Variants in ATP9B observed in about 807,000 individuals in gnomAD.
ATP9B encodes the protein probable phospholipid-transporting ATPase IIB.
Under a neutral mutation model 146.1 loss-of-function variants are expected in ATP9B, and 110 were observed. That is an observed-to-expected ratio of 0.75 (90% CI 0.65 to 0.88). The LOEUF is 0.88. Ranked by LOEUF, ATP9B falls within the 40% of genes least tolerant of loss-of-function variation. ATP9B has a pLI of 0.00. For synonymous variants in ATP9B, 604 were observed against 569.7 expected (o/e 1.06, Z -0.86); for missense variants, 1,499 against 1,496.4 (o/e 1.00, Z -0.03).
At chr18:79,131,292 C>T (rs1197677247) in intron 5 of ATP9B, among the ~76,000 whole-genome samples, 1 of 152,098 alleles carries the variant, frequency 6.6e-6, no homozygotes, top group Non-Finnish European at 1.5e-5. Context: ...ATCCAGTATC[C>T]AGGATACATA....
At chr18:79,269,502 A>T (rs900476) in intron 12 of ATP9B, among the ~76,000 whole-genome samples, 141,904 of 152,184 alleles carry the variant, frequency 0.93, 66,260 homozygotes, top group East Asian at 1. Flanking sequence ...TTTAAAAAAA[A>T]TTTTTATGTA....
chr18:79,338,653 G>T (rs1331454411), intron 19 of ATP9B, among the ~76,000 whole-genome samples: 1 of 152,194 alleles, frequency 6.6e-6, no homozygotes, highest in Non-Finnish European at 1.5e-5. Context: ...CTGCTCTCTG[G>T]CTTTTTCACT....
intron 13 of ATP9B, among the ~76,000 whole-genome samples, chr18:79,292,911 T>TA (rs1304168293): frequency 2.6e-5 from 4 of 151,992 alleles, no homozygotes; most frequent in African/African-American, 4.8e-5. Context: ...CATGAGCTAT[T>TA]ACACCTGGCA....
At chr18:79,223,992 T>G (rs1222833729) in intron 11 of ATP9B, among the ~76,000 whole-genome samples, 1 of 152,172 alleles carries the variant, frequency 6.6e-6, no homozygotes, top group Non-Finnish European at 1.5e-5. Context: ...TTATTGTAAT[T>G]GATTTCTATC....
At chr18:79,193,806 T>A (rs765065809) in intron 9 of ATP9B, among the ~76,000 whole-genome samples, 3 of 152,230 alleles carry the variant, frequency 2.0e-5, no homozygotes, top group Non-Finnish European at 4.4e-5. Context: ...AAATGCTTTA[T>A]AGTAAGGGAT....
At chr18:79,337,187 C>G in intron 18 of ATP9B, 92 bp from the exon 19 acceptor site, 1 of 1,103,944 alleles carries the variant, frequency 9.1e-7, no homozygotes, top group Non-Finnish European at 1.3e-6. Context: ...TCACCTCCCC[C>G]TCTGTCCCCA....
chr18:79,190,548 A>ACACACACACACG (rs1491182924), intron 8 of ATP9B, among the ~76,000 whole-genome samples: 1 of 84,708 alleles, frequency 1.2e-5, no homozygotes, highest in African/African-American at 4.3e-5. Flanking sequence ...ACACACACAT[A>ACACACACACACG]TACATATATT....
rs188322849 is a variant in ATP9B at position 79,196,267 on chromosome 18, A to G, written c.954+3004A>G. Among the ~76,000 whole-genome samples, 16 of 152,340 alleles carry G rather than the reference A, an allele frequency of 1.1e-4. No individual in the cohort carries two copies. In the East Asian group the frequency reaches 3.1e-3, roughly 29 times the overall value. ...AGCATACAGAGTTCAGGTGTGTTGT[A>G]CACATGAGCCTTTTGTGAATAATCT... On this transcript the variant is annotated intron_variant, in intron 9 of 29. Transcript: ENST00000426216.
At position 79,377,483 on chromosome 18, in the gene ATP9B, C is replaced by T; in HGVS notation, c.*100C>T. On this transcript the variant is annotated 3_prime_UTR_variant, in exon 30 of 30. Coordinates refer to ENST00000426216, the MANE Select transcript of ATP9B (RefSeq NM_198531.5). The stretch of plus-strand genomic sequence containing the variant: ...CGCAGGGTTTGCCATTGCTACCAAG[C>T]AAGCACCACAAGAAAGGGAGGGTAC... The T allele has an allele frequency of 7.0e-7, 1 of 1,431,994 alleles. No homozygotes were observed. 88.7% of individuals were successfully genotyped at this position (1,431,994 alleles called of 1,614,324 possible). A position where few individuals can be genotyped will look rare whatever the true frequency, so the allele number is the denominator to read the frequency against.
chr18:79,069,674 G>A (rs1281319801), intron 1 of ATP9B, 145 bp downstream of exon 1: 4 of 511,532 alleles, frequency 7.8e-6, no homozygotes, highest in Non-Finnish European at 1.2e-5. Flanking sequence ...TTGGCGTTCT[G>A]AGCGCGCCGC....
rs567355127 is a variant in ATP9B, at chr18:79,102,207, G to A, written c.293+5558G>A. On this transcript the variant is annotated intron_variant, in intron 2 of 29. Coordinates refer to ENST00000426216, the MANE Select transcript of ATP9B (RefSeq NM_198531.5). The stretch of plus-strand genomic sequence containing the variant: ...CGTTGAGATTCAGAGAGACTTCACT[G>A]GATCCAGTGTTTTTAATTTTGGTGA... 2.0e-5 allele frequency among the ~76,000 whole-genome samples: 3 copies of A among 152,218 alleles called. 1 individual carries two copies. Among genetic ancestry groups the A allele is most frequent in the South Asian group, 4.1e-4 (2 of 4,820 alleles).
intron 7 of ATP9B, 71 bp downstream of exon 7, chr18:79,154,626 A>G: frequency 2.0e-6 from 2 of 1,010,968 alleles, no homozygotes; most frequent in South Asian, 4.0e-5. Context: ...ATATCTATAC[A>G]AGGAAAAACT....
intron 10 of ATP9B, among the ~76,000 whole-genome samples, chr18:79,208,610 G>A (rs764095618): frequency 3.9e-5 from 6 of 152,110 alleles, no homozygotes; most frequent in Admixed American, 6.5e-5. Flanking sequence ...TTATCCTAGT[G>A]TTTTGTGTCT....
chr18:79,264,744 G>A lies in ATP9B; in HGVS notation c.1268+11203G>A, dbSNP rs377528355. 2.4e-3 allele frequency among the ~76,000 whole-genome samples: 364 copies of A among 151,546 alleles called. 1 individual carries two copies. The highest frequency in any genetic ancestry group is 6.2e-3 in the South Asian group (30 of 4,802). Reference sequence around the variant, plus strand: ...ATATTTCTGCAAACCAATTGTCTCAGCACCAGTTATAGAAAAGACTTTTCC... The same window carrying A: ...ATATTTCTGCAAACCAATTGTCTCAACACCAGTTATAGAAAAGACTTTTCC... On this transcript the variant is annotated intron_variant, in intron 12 of 29. Coordinates refer to ENST00000426216, the MANE Select transcript of ATP9B (RefSeq NM_198531.5).
intron 12 of ATP9B, among the ~76,000 whole-genome samples, chr18:79,260,746 AC>A (rs1489780406): frequency 6.6e-6 from 1 of 152,120 alleles, no homozygotes; most frequent in East Asian, 1.9e-4. Flanking sequence ...AGGAAGAATG[AC>A]CCCAAGGTCA....
chr18:79,201,083 A>G (rs935808530), intron 9 of ATP9B, among the ~76,000 whole-genome samples: 2 of 152,138 alleles, frequency 1.3e-5, no homozygotes, highest in African/African-American at 4.8e-5. Context: ...AAAGAGAGAA[A>G]CTTATTTGTG....
At chr18:79,222,504 C>T (rs187733746) in intron 11 of ATP9B, among the ~76,000 whole-genome samples, 22 of 152,298 alleles carry the variant, frequency 1.4e-4, no homozygotes, top group Middle Eastern at 3.4e-3. Flanking sequence ...TGTATTGATC[C>T]CACCCCCTGG....
In ATP9B at chr18:79,307,075, T is replaced by C. The variant is rs969336680; in HGVS notation, c.1614T>C (p.Ser538=). Residue 538 remains serine (S), a synonymous_variant, in exon 15 of 30, where the codon AGT becomes AGC. Coordinates refer to ENST00000426216, the MANE Select transcript of ATP9B (RefSeq NM_198531.5). The stretch of plus-strand genomic sequence containing the variant: ...CTCCCAAAGTTAGGAAAAGTGTCAG[T>C]AGTCGAATCCATGAAGCCGTGAAAG... ...SSAPKVRKSV[S]SRIHEAVKAI... 7 of 1,614,194 alleles carry C rather than the reference T, an allele frequency of 4.3e-6. No individual in the cohort carries two copies. The highest frequency in any genetic ancestry group is 5.1e-6 in the Non-Finnish European group (6 of 1,180,034).
chr18:79,283,644 C>T (rs2096402974), intron 13 of ATP9B, among the ~76,000 whole-genome samples: 1 of 152,214 alleles, frequency 6.6e-6, no homozygotes, highest in Non-Finnish European at 1.5e-5. Context: ...TATAGTGACA[C>T]ATCTGTGGCC....
Sources: gnomAD v4.1 joint callset for allele counts (sites outside exome capture counted in the v4.1 genomes callset) on GRCh38, gnomAD v4.1.1 for gene constraint, MANE v1.5 for transcripts, NCBI Gene and HGNC (gene_info 2026-07-23, HGNC 2026-07-21) for gene names.